PRKCE: variants seen among roughly 807,000 people sequenced by gnomAD.
The protein encoded by PRKCE is protein kinase C epsilon type.
PRKCE carries 16 observed loss-of-function variants against 85.4 expected under a neutral mutation model. The observed-to-expected ratio is 0.19, with a 90% CI of 0.13 to 0.28. The LOEUF is 0.28. Ranked by LOEUF, PRKCE falls within the 10% of genes least tolerant of loss-of-function variation. The probability of loss-of-function intolerance (pLI) is 1.00; values close to 1 mark genes in which losing one functional copy is unlikely to be tolerated. For synonymous variants in PRKCE, 388 were observed against 371.5 expected (o/e 1.04, Z -0.51); for missense variants, 573 against 975.2 (o/e 0.59, Z 5.49).
intron 10 of PRKCE, among the ~76,000 whole-genome samples, chr2:46,024,629 G>A (rs917299041): frequency 6.6e-6 from 1 of 152,164 alleles, no homozygotes; most frequent in Non-Finnish European, 1.5e-5. Flanking sequence ...ACAGATTTGG[G>A]CCTGAGAAGT....
At chr2:45,910,589 T>G (rs1239138535) in intron 2 of PRKCE, among the ~76,000 whole-genome samples, 3 of 152,180 alleles carry the variant, frequency 2.0e-5, no homozygotes, top group African/African-American at 7.2e-5. Flanking sequence ...CTTGGTTACT[T>G]CACACTTCCT....
At chr2:45,758,343 T>C (rs759185430) in intron 1 of PRKCE, among the ~76,000 whole-genome samples, 5 of 152,254 alleles carry the variant, frequency 3.3e-5, no homozygotes, top group Non-Finnish European at 7.3e-5. Flanking sequence ...TAAATGTTAT[T>C]GCTACTGTAA....
At chr2:46,063,536 C>T (rs1322367581) in intron 10 of PRKCE, among the ~76,000 whole-genome samples, 1 of 152,138 alleles carries the variant, frequency 6.6e-6, no homozygotes, top group Non-Finnish European at 1.5e-5. Flanking sequence ...TCTGGGCCCT[C>T]AAAAACCCAC....
intron 10 of PRKCE, among the ~76,000 whole-genome samples, chr2:46,012,593 C>T (rs897763809): frequency 1.3e-5 from 2 of 152,186 alleles, no homozygotes; most frequent in Admixed American, 6.5e-5. Context: ...GGCAGGGAGC[C>T]ACTCTGGCAA....
chr2:46,048,160 C>T (rs1456303897), intron 10 of PRKCE, among the ~76,000 whole-genome samples: 1 of 151,948 alleles, frequency 6.6e-6, no homozygotes, highest in East Asian at 1.9e-4. Flanking sequence ...CTTATGGGCA[C>T]TTAGGGGAAA....
chr2:45,860,334 G>C (rs1260490385), intron 2 of PRKCE, among the ~76,000 whole-genome samples: 3 of 152,214 alleles, frequency 2.0e-5, no homozygotes, highest in African/African-American at 7.2e-5. Context: ...ATAGTGTACT[G>C]ATCCATGTAA....
At chr2:45,832,783 C>G (rs1690543997) in intron 1 of PRKCE, among the ~76,000 whole-genome samples, 1 of 152,178 alleles carries the variant, frequency 6.6e-6, no homozygotes, top group Admixed American at 6.5e-5. Context: ...ACGCACACTC[C>G]TCTTCTGCAA....
chr2:45,679,081 T>A (rs1676689400), intron 1 of PRKCE, among the ~76,000 whole-genome samples: 1 of 152,174 alleles, frequency 6.6e-6, no homozygotes, highest in Non-Finnish European at 1.5e-5. Flanking sequence ...TCCAAAAGAA[T>A]AGAAAAGAGA....
chr2:46,099,143 CA>C (rs1670976316), intron 11 of PRKCE, among the ~76,000 whole-genome samples: 1 of 152,126 alleles, frequency 6.6e-6, no homozygotes, highest in African/African-American at 2.4e-5. Context: ...CTTTCTTGCT[CA>C]GAAGCCTGCC....
chr2:46,053,450 C>T (rs749387606), intron 10 of PRKCE, among the ~76,000 whole-genome samples: 3 of 152,304 alleles, frequency 2.0e-5, no homozygotes, highest in Non-Finnish European at 2.9e-5. Flanking sequence ...ATCTCCATAA[C>T]GCGTTTCATC....
intron 6 of PRKCE, among the ~76,000 whole-genome samples, chr2:45,997,274 G>A (rs1197045238): frequency 6.6e-6 from 1 of 151,822 alleles, no homozygotes; most frequent in Non-Finnish European, 1.5e-5. Flanking sequence ...GCTTTTTGTT[G>A]TTGGTTTTTC....
rs140741030 is a variant in PRKCE, at chr2:46,082,950, A to G, written c.1438-3258A>G. Among the ~76,000 whole-genome samples the G allele has an allele frequency of 3.5e-3, 530 of 152,214 alleles. 6 individuals carry two copies. Among genetic ancestry groups the G allele is most frequent in the African/African-American group, 0.012 (506 of 41,538 alleles). ...GTAAGGCAGCTTCTATTACTCAATC[A>G]TCCTGATTTTTTTTTGAGACGGAGT... is the stretch of plus-strand genomic sequence containing the variant. On this transcript the variant is annotated intron_variant, in intron 10 of 14. Coordinates refer to ENST00000306156, the MANE Select transcript of PRKCE (RefSeq NM_005400.3).
Position 46,086,393 on chromosome 2 carries a change from A to T in PRKCE, c.1592+31A>T, listed in dbSNP as rs745904776. ...CTCTTCTCTCCTCCTCTTTCCTGAA[A>T]GTGAAGAAAATAAAGGATGCTTCAG... On this transcript the variant is annotated intron_variant, in intron 11 of 14. Coordinates refer to ENST00000306156, the MANE Select transcript of PRKCE (RefSeq NM_005400.3). 3 of 1,587,108 alleles carry T rather than the reference A, an allele frequency of 1.9e-6. No homozygotes were observed. In the South Asian group the frequency reaches 3.3e-5, roughly 18 times the overall value.
At chr2:45,846,614 G>A (rs377251965) in intron 2 of PRKCE, among the ~76,000 whole-genome samples, 1 of 152,168 alleles carries the variant, frequency 6.6e-6, no homozygotes, top group African/African-American at 2.4e-5. Flanking sequence ...GAAGAGCAGG[G>A]AACAGGAGGC....
chr2:45,983,114 G>T (rs927316396), intron 5 of PRKCE, among the ~76,000 whole-genome samples: 3 of 152,220 alleles, frequency 2.0e-5, no homozygotes, highest in Non-Finnish European at 2.9e-5. Context: ...TGACATTCTT[G>T]TTCCCAGGCA....
rs967630559 is a variant in PRKCE at position 45,907,064 on chromosome 2, G to T, written c.412+64001G>T. Among the ~76,000 whole-genome samples, 1 of 149,768 alleles carries T rather than the reference G, an allele frequency of 6.7e-6. No homozygotes were observed. Among genetic ancestry groups the T allele is most frequent in the Admixed American group, 6.8e-5 (1 of 14,716 alleles). ...GTTGCTCCAAAATTAGGCGTCGGAG[G>T]TCTAAGTGGTATAGACGGAAGGAAG... is the stretch of plus-strand genomic sequence containing the variant. On this transcript the variant is annotated intron_variant, in intron 2 of 14. Coordinates refer to ENST00000306156, the MANE Select transcript of PRKCE (RefSeq NM_005400.3). This position sits in a 1 kb window ranked among gnomAD's most constrained non-coding sequence, Gnocchi z 4.5.
At chr2:45,757,262 G>T (rs554882447) in intron 1 of PRKCE, among the ~76,000 whole-genome samples, 119 of 124,118 alleles carry the variant, frequency 9.6e-4, no homozygotes, top group Non-Finnish European at 9.4e-5. Flanking sequence ...TGTTGAGATT[G>T]CACCACTGCA....
chr2:45,734,467 A>G (rs7558633), intron 1 of PRKCE, among the ~76,000 whole-genome samples: 73,946 of 152,142 alleles, frequency 0.49, 18,539 homozygotes, highest in African/African-American at 0.61. Context: ...ATACTCATCC[A>G]TGTAAACGGG....
At chr2:45,974,201 CA>C (rs1194238926) in intron 2 of PRKCE, among the ~76,000 whole-genome samples, 4 of 152,166 alleles carry the variant, frequency 2.6e-5, no homozygotes, top group Non-Finnish European at 4.4e-5. Context: ...TGAAGCGAAA[CA>C]AAAACTTGCC....
Sources: gnomAD v4.1 joint callset for allele counts (sites outside exome capture counted in the v4.1 genomes callset) on GRCh38, gnomAD v4.1.1 for gene constraint, Gnocchi (gnomAD v3.1) non-coding constraint, MANE v1.5 for transcripts, NCBI Gene and HGNC (gene_info 2026-07-23, HGNC 2026-07-21) for gene names.